Variants in CCDC102B observed in about 807,000 individuals in gnomAD.
The protein encoded by CCDC102B is coiled-coil domain-containing protein 102B.
A neutral mutation model predicts 57.4 loss-of-function variants in CCDC102B; 75 were observed. The observed-to-expected ratio is 1.31, with a 90% CI of 1.08 to 1.58. The LOEUF is 1.58. Among genes scored for constraint, CCDC102B ranks in the 40% most tolerant of loss-of-function variants. The pLI is 0.00. For missense variants in CCDC102B, 636 were observed against 582.6 expected, an observed-to-expected ratio of 1.09 and a Z score of -0.94; for synonymous variants, 206 against 201.9, an observed-to-expected ratio of 1.02 and a Z score of -0.17.
At chr18:68,796,137 C>T (rs985292365), upstream of CCDC102B, among the ~76,000 whole-genome samples, 1 of 152,022 alleles carries the variant, frequency 6.6e-6, no homozygotes, top group African/African-American at 2.4e-5. Context: ...CAGAAGAAAG[C>T]TGGGAGAAGA....
chr18:68,788,586 G>C lies in CCDC102B; in HGVS notation c.-66-34780G>C, dbSNP rs1444913100. On this transcript the variant is annotated intron_variant, in intron 2 of 3. Transcript: ENST00000578970. ...TTGATCCCTTTACCATTATGTAATG[G>C]CCTTCTTTGTCTCTTTTCATCTTTG... Among the ~76,000 whole-genome samples, 743 of 149,972 alleles carry C rather than the reference G, an allele frequency of 5.0e-3. 6 individuals are homozygous for C. The highest frequency in any genetic ancestry group is 0.018 in the African/African-American group (704 of 39,972).
At chr18:68,761,574 C>T (rs998937823) in intron 2 of CCDC102B, among the ~76,000 whole-genome samples, 14 of 151,308 alleles carry the variant, frequency 9.3e-5, no homozygotes, top group African/African-American at 3.4e-4. Context: ...AAATTTTGTA[C>T]CTTCCTGGTG....
At chr18:68,941,724 A>G (rs2049384767) in intron 6 of CCDC102B, among the ~76,000 whole-genome samples, 1 of 152,144 alleles carries the variant, frequency 6.6e-6, no homozygotes, top group African/African-American at 2.4e-5. Context: ...GGCAAAGAAC[A>G]TCAAAATGCA....
Position 69,050,352 on chromosome 18 carries a change from G to A in CCDC102B, c.1435-3678G>A, listed in dbSNP as rs117498952. Among the ~76,000 whole-genome samples, 635 of 152,238 alleles carry A rather than the reference G, an allele frequency of 4.2e-3. 4 individuals carry two copies. The highest frequency in any genetic ancestry group is 0.024 in the South Asian group (118 of 4,826). On this transcript the variant is annotated intron_variant, in intron 7 of 7. Coordinates refer to ENST00000360242, the MANE Select transcript of CCDC102B (RefSeq NM_024781.3). The stretch of plus-strand genomic sequence containing the variant: ...TCTTAGTCATCACCTTGGATTAAGT[G>A]TTGCTCTTTCTATTTTTGCCTTGTG...
chr18:69,019,399 T>C (rs1357958645), intron 7 of CCDC102B, among the ~76,000 whole-genome samples: 2 of 152,052 alleles, frequency 1.3e-5, no homozygotes, highest in African/African-American at 4.8e-5. Context: ...AATGTCATAG[T>C]TTTCTAAGTC....
rs1356211392 is a variant in CCDC102B at position 68,750,936 on chromosome 18, C to CTTAAAGTATTA, written c.-67+34351_-67+34352insTATTAAAGTAT. On this transcript the variant is annotated intron_variant, in intron 2 of 3. Transcript: ENST00000578970. ...CACGTTGTGCACATGTACCCTAGAA[C>CTTAAAGTATTA]TTAAAGTATAATAATAATAAAAAAA... 2.0e-5 allele frequency among the ~76,000 whole-genome samples: 3 copies of CTTAAAGTATTA among 151,344 alleles called. No individual in the cohort carries two copies. The East Asian group carries it at 5.8e-4, about 29-fold the overall frequency.
At chr18:69,027,366 A>T (rs2052020856) in intron 7 of CCDC102B, among the ~76,000 whole-genome samples, 1 of 152,108 alleles carries the variant, frequency 6.6e-6, no homozygotes, top group East Asian at 1.9e-4. Flanking sequence ...TCTAAAGCAC[A>T]TTTTCCAACT....
chr18:68,894,263 C>T (rs780167735), intron 5 of CCDC102B, among the ~76,000 whole-genome samples: 5 of 151,892 alleles, frequency 3.3e-5, no homozygotes, highest in African/African-American at 4.8e-5. Flanking sequence ...TTTTTCTCGA[C>T]GTTTAATAAG....
At chr18:68,858,980 A>G (rs2144871734) in intron 4 of CCDC102B, 1 of 152,458 alleles carries the variant, frequency 6.6e-6, no homozygotes, top group Non-Finnish European at 1.5e-5. Context: ...CGATACAGAG[A>G]AGATTAGCAT....
At chr18:68,814,908 A>G (rs904116491) in intron 1 of CCDC102B, among the ~76,000 whole-genome samples, 2 of 152,096 alleles carry the variant, frequency 1.3e-5, no homozygotes, top group Non-Finnish European at 2.9e-5. Context: ...ATTAGAATAG[A>G]TTTCTTCTTC....
intron 2 of CCDC102B, among the ~76,000 whole-genome samples, chr18:68,747,410 A>G (rs1027210073): frequency 2.8e-4 from 42 of 152,118 alleles, no homozygotes; most frequent in African/African-American, 1.0e-3. Context: ...TTTTAATTTT[A>G]AAGTGCATAA....
In CCDC102B at chr18:69,002,650, G is replaced by A. The variant is rs145374105; in HGVS notation, c.1264-8284G>A. ...CCTGTTAATCACAGATGAAAATATC[G>A]TAACTGAATCAACTTTATTGTAATT... On this transcript the variant is annotated intron_variant, in intron 6 of 7. Coordinates refer to ENST00000360242, the MANE Select transcript of CCDC102B (RefSeq NM_024781.3). Among the ~76,000 whole-genome samples, 668 of 152,196 alleles carry A rather than the reference G, an allele frequency of 4.4e-3. 19 individuals are homozygous for A. The highest frequency in any genetic ancestry group is 1.1e-3 in the African/African-American group (44 of 41,516).
intron 3 of CCDC102B, among the ~76,000 whole-genome samples, chr18:68,840,302 A>C (rs1461805113): frequency 2.0e-5 from 3 of 152,132 alleles, no homozygotes; most frequent in African/African-American, 7.2e-5. Flanking sequence ...TCCTGGCTTG[A>C]ATGGACTGAA....
At chr18:68,961,332 T>C (rs1460445112) in intron 6 of CCDC102B, among the ~76,000 whole-genome samples, 1 of 151,964 alleles carries the variant, frequency 6.6e-6, no homozygotes, top group Admixed American at 6.6e-5. Context: ...TGTACAAAAT[T>C]ATACACAATA....
intron 6 of CCDC102B, among the ~76,000 whole-genome samples, chr18:69,004,968 A>T (rs756849994): frequency 2.6e-5 from 4 of 152,218 alleles, no homozygotes; most frequent in Non-Finnish European, 5.9e-5. Flanking sequence ...TCTGCCACCA[A>T]GTATAATAAA....
intron 4 of CCDC102B, among the ~76,000 whole-genome samples, chr18:68,846,738 T>A (rs970869197): frequency 1.3e-5 from 2 of 151,864 alleles, no homozygotes; most frequent in Admixed American, 1.3e-4. Context: ...AAATGGTTAA[T>A]GATGAGCTAC....
At chr18:68,727,748 G>T (rs913119449) in intron 2 of CCDC102B, among the ~76,000 whole-genome samples, 2 of 152,194 alleles carry the variant, frequency 1.3e-5, no homozygotes, top group African/African-American at 2.4e-5. Flanking sequence ...CTTGTGTCCA[G>T]CAGCTAGTAA....
chr18:68,927,391 G>A (rs1471934359), intron 6 of CCDC102B, among the ~76,000 whole-genome samples: 1 of 151,908 alleles, frequency 6.6e-6, no homozygotes, highest in East Asian at 1.9e-4. Flanking sequence ...GGTAGATAGA[G>A]GATACCATTT....
At chr18:68,759,895 T>C (rs546689450) in intron 2 of CCDC102B, among the ~76,000 whole-genome samples, 1 of 152,122 alleles carries the variant, frequency 6.6e-6, no homozygotes, top group South Asian at 2.1e-4. Flanking sequence ...TCTTTGGGGG[T>C]TACATTTGAT....
Sources: allele counts gnomAD v4.1 joint callset (sites outside exome capture counted in the v4.1 genomes callset), GRCh38; gene constraint gnomAD v4.1.1; transcripts MANE v1.5; gene names NCBI Gene and HGNC (gene_info 2026-07-23, HGNC 2026-07-21).